The following TSPAN18 variants were observed in gnomAD, a reference collection of about 807,000 sequenced individuals.
TSPAN18 encodes the protein tetraspanin-18.
TSPAN18 carries 14 observed loss-of-function variants against 27.3 expected under a neutral mutation model. The observed-to-expected ratio is 0.51, with a 90% CI of 0.34 to 0.80. The LOEUF is 0.80. Among genes scored for constraint, TSPAN18 ranks in the 30% least tolerant of loss-of-function variants. The probability of loss-of-function intolerance (pLI) is 0.01; values close to 1 mark genes in which losing one functional copy is unlikely to be tolerated. For synonymous variants in TSPAN18, 143 were observed against 136.5 expected, an observed-to-expected ratio of 1.05 and a Z score of -0.33; for missense variants, 268 against 323.9, an observed-to-expected ratio of 0.83 and a Z score of 1.32.
intron 3 of TSPAN18, among the ~76,000 whole-genome samples, chr11:44,867,502 A>G (rs1292454230): frequency 1.4e-5 from 2 of 139,334 alleles, no homozygotes; most frequent in African/African-American, 5.5e-5. Context: ...CAGTTCAAGT[A>G]ATTCTCCTGC....
chr11:44,904,436 A>G (rs1223863007), intron 3 of TSPAN18, among the ~76,000 whole-genome samples: 2 of 152,100 alleles, frequency 1.3e-5, no homozygotes, highest in African/African-American at 4.8e-5. Flanking sequence ...GGCTCCAGGC[A>G]CCTTAGCCAT....
intron 3 of TSPAN18, among the ~76,000 whole-genome samples, chr11:44,870,442 T>C (rs556898722): frequency 1.3e-5 from 2 of 152,344 alleles, no homozygotes; most frequent in Admixed American, 6.5e-5. Flanking sequence ...TTTTAAGAGT[T>C]GGAAGAGCTC....
intron 1 of TSPAN18, among the ~76,000 whole-genome samples, chr11:44,739,792 T>A (rs1854887660): frequency 8.0e-6 from 1 of 124,232 alleles, no homozygotes; most frequent in African/African-American, 4.2e-5. Flanking sequence ...GGGCTGCTCC[T>A]ATGGGTTTTT....
chr11:44,856,580 G>A (rs995413114), intron 2 of TSPAN18, among the ~76,000 whole-genome samples: 22 of 152,128 alleles, frequency 1.4e-4, no homozygotes, highest in Admixed American at 2.6e-4. Flanking sequence ...CATAGGCATC[G>A]TCTTCTGTTG....
chr11:44,881,147 G>A (rs892283474), intron 3 of TSPAN18, among the ~76,000 whole-genome samples: 4 of 152,238 alleles, frequency 2.6e-5, no homozygotes, highest in African/African-American at 4.8e-5. Flanking sequence ...CTTCACTGCT[G>A]AGAAATGGGG....
At chr11:44,903,409 C>T (rs942891406) in intron 3 of TSPAN18, 1 of 456,192 alleles carries the variant, frequency 2.2e-6, no homozygotes, top group Non-Finnish European at 4.4e-6. Context: ...GCAGGAATAA[C>T]AAGAGGTGGC....
chr11:44,895,692 C>T (rs1260043096), intron 3 of TSPAN18, among the ~76,000 whole-genome samples: 1 of 117,846 alleles, frequency 8.5e-6, no homozygotes, highest in African/African-American at 3.1e-5. Flanking sequence ...AGGCAGGCAA[C>T]CGCCAGACAT....
chr11:44,872,858 C>T (rs1858232899), intron 3 of TSPAN18, among the ~76,000 whole-genome samples: 1 of 152,162 alleles, frequency 6.6e-6, no homozygotes, highest in African/African-American at 2.4e-5. Flanking sequence ...TAAGTGCCAC[C>T]TGCCCAGCCT....
intron 5 of TSPAN18, chr11:44,917,584 T>G (rs1859959188): frequency 6.1e-6 from 1 of 162,642 alleles, no homozygotes; most frequent in Admixed American, 6.3e-5. Flanking sequence ...CCCAAGGCAC[T>G]CAGGATTCTC....
Position 44,916,329 on chromosome 11 carries a change from A to G in TSPAN18, c.259-1643A>G, listed in dbSNP as rs77309247. ...AAGTGACAGAAATCTTCCTCTGATC[A>G]CAAGAGGCACATTCCAGGAGAGAGA... On this transcript the variant is annotated intron_variant, in intron 5 of 9. Transcript: ENST00000520358. Among the ~76,000 whole-genome samples, 42 of 152,280 alleles carry G rather than the reference A, an allele frequency of 2.8e-4. 1 individual carries two copies. The East Asian group carries it at 5.0e-3, about 18-fold the overall frequency.
intron 1 of TSPAN18, among the ~76,000 whole-genome samples, chr11:44,752,362 A>G (rs1452191326): frequency 6.6e-6 from 1 of 151,270 alleles, no homozygotes; most frequent in Non-Finnish European, 1.5e-5. Flanking sequence ...CCTTCTATTC[A>G]GCTCAGCAGA....
At chr11:44,752,208 A>C (rs1441254815) in intron 1 of TSPAN18, among the ~76,000 whole-genome samples, 1 of 152,180 alleles carries the variant, frequency 6.6e-6, no homozygotes, top group African/African-American at 2.4e-5. Flanking sequence ...TGATAGCTAA[A>C]TCTCCAAAAC....
chr11:44,929,113 C>G lies in TSPAN18; in HGVS notation c.700-18C>G, dbSNP rs11820442. Reference sequence around the variant, plus strand: ...CCAGCCTGATAAGCCAGTTCCTGCTCTTTTTCTTTTTTTGCAGCTTTTCGC... The same window carrying G: ...CCAGCCTGATAAGCCAGTTCCTGCTGTTTTTCTTTTTTTGCAGCTTTTCGC... On this transcript the variant is annotated intron_variant, in intron 9 of 9. Coordinates refer to ENST00000520358, the MANE Select transcript of TSPAN18 (RefSeq NM_130783.5). 6.2e-6 allele frequency: 10 copies of G among 1,613,022 alleles called. No homozygotes were observed. Among genetic ancestry groups the G allele is most frequent in the Non-Finnish European group, 8.5e-6 (10 of 1,179,996 alleles).
chr11:44,902,846 A>G (rs776319920), intron 3 of TSPAN18, among the ~76,000 whole-genome samples: 1 of 152,184 alleles, frequency 6.6e-6, no homozygotes, highest in Non-Finnish European at 1.5e-5. Flanking sequence ...AGAGAGAGGA[A>G]ACGGAGCACA....
chr11:44,880,503 C>T (rs1473791063), intron 3 of TSPAN18, among the ~76,000 whole-genome samples: 2 of 152,204 alleles, frequency 1.3e-5, no homozygotes, highest in Admixed American at 1.3e-4. Context: ...GGTCTCCTGG[C>T]ACATGGGGCA....
At chr11:44,781,992 T>A (rs1855949075) in intron 2 of TSPAN18, among the ~76,000 whole-genome samples, 1 of 152,244 alleles carries the variant, frequency 6.6e-6, no homozygotes, top group South Asian at 2.1e-4. Context: ...GTTTCTAAGA[T>A]TCATTTACAT....
At chr11:44,775,256 G>T (rs1443838459) in intron 2 of TSPAN18, among the ~76,000 whole-genome samples, 1 of 152,192 alleles carries the variant, frequency 6.6e-6, no homozygotes, top group Non-Finnish European at 1.5e-5. Flanking sequence ...ATCACTGAAA[G>T]ATTATTTGTT....
At chr11:44,808,984 A>G (rs1300029449) in intron 2 of TSPAN18, among the ~76,000 whole-genome samples, 2 of 152,314 alleles carry the variant, frequency 1.3e-5, no homozygotes, top group South Asian at 2.1e-4. Flanking sequence ...AGGAGCTAAC[A>G]CTGATTCTAT....
chr11:44,806,144 C>T (rs1474376375), intron 2 of TSPAN18, among the ~76,000 whole-genome samples: 2 of 150,600 alleles, frequency 1.3e-5, no homozygotes, highest in Admixed American at 1.3e-4. Flanking sequence ...AAGTGATTCT[C>T]ATGCCTCAGC....
Sources: allele counts gnomAD v4.1 joint callset (sites outside exome capture counted in the v4.1 genomes callset), GRCh38; gene constraint gnomAD v4.1.1; transcripts MANE v1.5; gene names NCBI Gene and HGNC (gene_info 2026-07-23, HGNC 2026-07-21).